KLRG1: variants seen among roughly 807,000 people sequenced by gnomAD.
The protein encoded by KLRG1 is killer cell lectin-like receptor subfamily G member 1.
A neutral mutation model predicts 21.8 loss-of-function variants in KLRG1; 16 were observed. The ratio of observed to expected loss-of-function variants is 0.73; its 90% CI spans 0.50 to 1.11. The LOEUF (loss-of-function observed/expected upper bound fraction) is 1.11, where lower values mean the gene tolerates loss of function less well. Among genes scored for constraint, KLRG1 ranks in the 50% most tolerant of loss-of-function variants. The probability of loss-of-function intolerance (pLI) is 0.00; values close to 1 mark genes in which losing one functional copy is unlikely to be tolerated. For synonymous variants in KLRG1, 69 were observed against 75.9 expected, an observed-to-expected ratio of 0.91 and a Z score of 0.47; for missense variants, 173 against 218.3, an observed-to-expected ratio of 0.79 and a Z score of 1.31.
intron 3 of KLRG1, among the ~76,000 whole-genome samples, chr12:8,997,653 G>C (rs1395136394): frequency 6.6e-6 from 1 of 152,104 alleles, no homozygotes; most frequent in Non-Finnish European, 1.5e-5. Context: ...CTGTTAAACG[G>C]TCATCTTTCA....
chr12:9,177,763 A>G, the KLRG1 span, among the ~76,000 whole-genome samples: 1 of 152,204 alleles, frequency 6.6e-6, no homozygotes, highest in Non-Finnish European at 1.5e-5. Flanking sequence ...TCTCACTTCC[A>G]CAACACTCAA....
At chr12:9,104,092 T>TA in the KLRG1 span, 46 of 805,466 alleles carry the variant, frequency 5.7e-5, no homozygotes, top group South Asian at 7.6e-4. Context: ...TCATAAACTT[T>TA]AAAAAAGTTA....
chr12:8,959,381 G>A (rs769652856), intron 1 of KLRG1, among the ~76,000 whole-genome samples: 4 of 152,208 alleles, frequency 2.6e-5, no homozygotes, highest in Middle Eastern at 3.4e-3. Flanking sequence ...ATGCCACTTC[G>A]TCCTGAGACC....
the KLRG1 span, chr12:9,111,985 T>C: frequency 2.6e-6 from 2 of 777,446 alleles, no homozygotes; most frequent in Non-Finnish European, 2.4e-6. Context: ...AAGAATTACC[T>C]ACTTTCTTTA....
chr12:9,119,301 T>C, the KLRG1 span, among the ~76,000 whole-genome samples: 112 of 152,332 alleles, frequency 7.4e-4, no homozygotes, highest in African/African-American at 2.5e-3. Context: ...TTAATGTTAA[T>C]AGCATTCATT....
the KLRG1 span, among the ~76,000 whole-genome samples, chr12:9,019,666 C>T: frequency 6.4e-4 from 97 of 152,260 alleles, 2 homozygotes; most frequent in African/African-American, 2.3e-3. Flanking sequence ...ATCCGTACTC[C>T]CATCTTCCCC....
chr12:9,127,771 C>T, the KLRG1 span: 259 of 178,108 alleles, frequency 1.5e-3, no homozygotes, highest in Non-Finnish European at 1.6e-3. Context: ...CCACGCAGAA[C>T]ATCCACGACC....
In KLRG1 at chr12:9,009,723, A is replaced by G; in HGVS notation, c.*186A>G. On this transcript the variant is annotated 3_prime_UTR_variant, in exon 5 of 5. Coordinates refer to ENST00000356986, the MANE Select transcript of KLRG1 (RefSeq NM_005810.4). ...TAACTGATGGATTCTCTTTGAGACT[A>G]TTTAGATATTATGTGAGCAATTTAA... 2 of 1,421,304 alleles carry G rather than the reference A, an allele frequency of 1.4e-6. No individual in the cohort carries two copies. The highest frequency in any genetic ancestry group is 1.8e-6 in the Non-Finnish European group (2 of 1,092,810). The allele number at this position is 1,421,304 out of a possible 1,614,324, so 88.0% of individuals were successfully genotyped here.
rs1946400084 is a variant in KLRG1, at chr12:8,962,672, C to T, written c.-156+12436C>T. On this transcript the variant is annotated intron_variant, in intron 1 of 4. Transcript: ENST00000539240. ...TGGAGGTTGCAGTGAGCTGAGATCA[C>T]ACCACTGCACTCCAGCCTGGGTGAC... 2.7e-5 allele frequency among the ~76,000 whole-genome samples: 4 copies of T among 148,044 alleles called. No individual in the cohort carries two copies. The Admixed American group carries it at 2.7e-4, about 10-fold the overall frequency.
chr12:9,161,683 A>G, the KLRG1 span, among the ~76,000 whole-genome samples: 1 of 152,374 alleles, frequency 6.6e-6, no homozygotes, highest in Non-Finnish European at 1.5e-5. Context: ...TAAATAGATA[A>G]CATGAATATA....
the KLRG1 span, chr12:9,181,235 A>G: frequency 5.0e-6 from 7 of 1,395,728 alleles, no homozygotes; most frequent in South Asian, 1.3e-5. Flanking sequence ...TCATATGACT[A>G]TGTTGGTAAT....
chr12:9,162,155 T>G, the KLRG1 span: 3 of 154,486 alleles, frequency 1.9e-5, no homozygotes, highest in Admixed American at 1.3e-4. Context: ...AGAGACAGGG[T>G]TTCACCATGT....
the KLRG1 span, chr12:9,200,539 T>C: frequency 1.0e-6 from 1 of 1,005,020 alleles, no homozygotes; most frequent in African/African-American, 1.6e-5. Context: ...TTTCCCAAAA[T>C]AACACTCTGA....
the KLRG1 span, chr12:9,068,676 T>C: frequency 7.6e-7 from 1 of 1,308,448 alleles, no homozygotes. Flanking sequence ...CCAACACATC[T>C]CCTAAACCTG....
At chr12:9,096,949 A>T in the KLRG1 span, among the ~76,000 whole-genome samples, 11 of 152,210 alleles carry the variant, frequency 7.2e-5, no homozygotes, top group African/African-American at 2.7e-4. Flanking sequence ...AATGACCTAC[A>T]CTAGTAGCAG....
intron 1 of KLRG1, among the ~76,000 whole-genome samples, chr12:8,963,872 A>G (rs12817461): frequency 0.38 from 58,390 of 151,960 alleles, 11,914 homozygotes; most frequent in Middle Eastern, 0.47. Flanking sequence ...CTGTGGGGTC[A>G]GTGGTGATAT....
intron 3 of KLRG1, among the ~76,000 whole-genome samples, chr12:9,007,329 C>T (rs532548252): frequency 6.6e-6 from 1 of 152,152 alleles, no homozygotes; most frequent in Admixed American, 6.5e-5. Flanking sequence ...GATGCCATCT[C>T]GGCTCACTGC....
the KLRG1 span, among the ~76,000 whole-genome samples, chr12:9,053,980 C>A: frequency 6.6e-6 from 1 of 152,142 alleles, no homozygotes; most frequent in African/African-American, 2.4e-5. Context: ...CTCCATGATC[C>A]CCTTAAAAGC....
the KLRG1 span, among the ~76,000 whole-genome samples, chr12:9,122,833 G>A: frequency 6.6e-6 from 1 of 151,968 alleles, no homozygotes; most frequent in African/African-American, 2.4e-5. Context: ...TTAATTTAAA[G>A]TAATGCAGTA....
Sources: gnomAD v4.1 joint callset for allele counts (sites outside exome capture counted in the v4.1 genomes callset) on GRCh38, gnomAD v4.1.1 for gene constraint, MANE v1.5 for transcripts, NCBI Gene and HGNC (gene_info 2026-07-23, HGNC 2026-07-21) for gene names.